Variants in DLGAP2 observed in about 807,000 individuals in gnomAD.
The protein encoded by DLGAP2 is DLG associated protein 2, also known as disks large-associated protein 2.
Under a neutral mutation model 100.3 loss-of-function variants are expected in DLGAP2, and 26 were observed. That is an observed-to-expected ratio of 0.26 (90% CI 0.19 to 0.36). The LOEUF is 0.36. Among genes scored for constraint, DLGAP2 ranks in the 10% least tolerant of loss-of-function variants. DLGAP2 has a pLI of 1.00. For synonymous variants in DLGAP2, 886 were observed against 630.1 expected (o/e 1.41, Z -6.08); for missense variants, 1,858 against 1,453.2 (o/e 1.28, Z -4.53).
chr8:923,256 A>G (rs541855564), intron 2 of DLGAP2, among the ~76,000 whole-genome samples: 1 of 152,172 alleles, frequency 6.6e-6, no homozygotes, highest in Non-Finnish European at 1.5e-5. Context: ...GGGCTGTGTC[A>G]TAATGTCTGT....
intron 1 of DLGAP2, among the ~76,000 whole-genome samples, chr8:859,114 C>CTTT (rs113689898): frequency 1.4e-5 from 2 of 142,432 alleles, no homozygotes; most frequent in Non-Finnish European, 3.1e-5. Context: ...CCTTAGTCTT[C>CTTT]TTTTTTTTTT....
At chr8:1,446,935 T>C (rs960748733) in intron 3 of DLGAP2, among the ~76,000 whole-genome samples, 12 of 152,232 alleles carry the variant, frequency 7.9e-5, no homozygotes, top group African/African-American at 2.4e-4. Context: ...TTTTTGTACA[T>C]TGATTTTGTA....
At chr8:785,255 C>T (rs1821811718) in intron 1 of DLGAP2, among the ~76,000 whole-genome samples, 1 of 96,536 alleles carries the variant, frequency 1.0e-5, no homozygotes, top group South Asian at 3.9e-4. Flanking sequence ...AAAAAAAAGG[C>T]ACGTCCTGAC....
chr8:1,449,885 TGAGG>T (rs1563156352), intron 3 of DLGAP2, among the ~76,000 whole-genome samples: 11 of 145,192 alleles, frequency 7.6e-5, no homozygotes, highest in Admixed American at 1.4e-4. Flanking sequence ...CCTCGGTGGC[TGAGG>T]CGGAGCTGTG....
chr8:1,548,801 G>C lies in DLGAP2; in HGVS notation c.348G>C (p.Ala116=). The change falls in exon 5 of 15, where the codon GCG becomes GCC. Residue 116 remains alanine, a synonymous_variant. Transcript: ENST00000637795. ...AGCACCTGCACCACGGGCCCGACGC[G>C]CGGCCGCCCTACCTGCTGAGCCCCG... ...DCEHLHHGPD[A]RPPYLLSPAD... 2.5e-6 allele frequency: 4 copies of C among 1,580,286 alleles called. No individual in the cohort carries two copies. The highest frequency in any genetic ancestry group is 1.3e-5 in the African/African-American group (1 of 74,238).
At chr8:1,033,134 T>G (rs1212795788) in intron 2 of DLGAP2, among the ~76,000 whole-genome samples, 1 of 152,084 alleles carries the variant, frequency 6.6e-6, no homozygotes, top group East Asian at 1.9e-4. Context: ...CATCCCTCTC[T>G]GTCTCAGGCA....
At chr8:1,099,976 A>T (rs1195552156) in intron 2 of DLGAP2, among the ~76,000 whole-genome samples, 1 of 152,224 alleles carries the variant, frequency 6.6e-6, no homozygotes, top group Non-Finnish European at 1.5e-5. Flanking sequence ...GTCAACTGAG[A>T]TCTGAAAATA....
chr8:1,359,074 A>G (rs1415437494), intron 3 of DLGAP2, among the ~76,000 whole-genome samples: 1 of 152,118 alleles, frequency 6.6e-6, no homozygotes, highest in African/African-American at 2.4e-5. Flanking sequence ...ACGATTCTGC[A>G]TTTCTAGCAA....
At chr8:850,607 C>T (rs1397252409) in intron 1 of DLGAP2, among the ~76,000 whole-genome samples, 1 of 151,950 alleles carries the variant, frequency 6.6e-6, no homozygotes, top group Non-Finnish European at 1.5e-5. Flanking sequence ...TTGAATAGCC[C>T]AATTAAATGT....
Position 1,626,762 on chromosome 8 carries a change from A to G in DLGAP2, c.1465A>G (p.Ser489Gly), listed in dbSNP as rs769788388. Residue 489 changes from serine (S) to glycine (G), a missense_variant, in exon 7 of 15, where the codon AGC becomes GGC. Physicochemically the swap from Ser to Gly is moderately conservative, Grantham distance 56 (BLOSUM62 0). Transcript: ENST00000637795. ...TAGCCAGACCTACCTGCAAGCTGCA[A>G]GCGATGTGCCTGTGGGACACAGCCT... ...HQTQTYLQAA[S>G]DVPVGHSLDP... is the part of the protein sequence containing the mutation. The G allele has an allele frequency of 8.7e-6, 14 of 1,603,970 alleles. No homozygotes were observed. The East Asian group carries it at 3.2e-4, about 36-fold the overall frequency.
Position 778,329 on chromosome 8 carries a change from G to A in DLGAP2, c.18+40504G>A, listed in dbSNP as rs541753474. On this transcript the variant is annotated intron_variant, in intron 1 of 14. Transcript: ENST00000637795. ...GCTCAGAGTAATTTGATCGTCTGAA[G>A]CCTTCTTCTCTCAGCTCGTCAAAGT... Among the ~76,000 whole-genome samples the A allele has an allele frequency of 2.6e-3, 389 of 152,282 alleles. 2 individuals are homozygous for A. Among genetic ancestry groups the A allele is most frequent in the African/African-American group, 8.9e-3 (369 of 41,558 alleles).
At chr8:1,161,730 G>A (rs959126612) in intron 2 of DLGAP2, among the ~76,000 whole-genome samples, 3 of 152,190 alleles carry the variant, frequency 2.0e-5, no homozygotes, top group Non-Finnish European at 4.4e-5. Context: ...GTCCAGCCCC[G>A]TGGAGCCGTC....
At chr8:1,077,059 G>T (rs570199608) in intron 2 of DLGAP2, among the ~76,000 whole-genome samples, 1 of 152,000 alleles carries the variant, frequency 6.6e-6, no homozygotes, top group Non-Finnish European at 1.5e-5. Context: ...GGAGGAGTCT[G>T]TCCCGGGCTC....
At chr8:903,555 C>T (rs1046492658) in intron 1 of DLGAP2, among the ~76,000 whole-genome samples, 2 of 152,094 alleles carry the variant, frequency 1.3e-5, no homozygotes, top group African/African-American at 4.8e-5. Context: ...AGGACGTCAT[C>T]GCGAGGCAGC....
At chr8:873,105 T>C (rs1218184380) in intron 1 of DLGAP2, among the ~76,000 whole-genome samples, 1 of 152,246 alleles carries the variant, frequency 6.6e-6, no homozygotes, top group Non-Finnish European at 1.5e-5. Context: ...TTAAATCATC[T>C]CTAGATTATT....
chr8:1,598,504 T>G (rs1796527972), intron 6 of DLGAP2, among the ~76,000 whole-genome samples: 1 of 152,222 alleles, frequency 6.6e-6, no homozygotes, highest in South Asian at 2.1e-4. Flanking sequence ...TGGGCTTTTT[T>G]TTGTTGGTAG....
chr8:1,226,104 T>A (rs1025947826), intron 2 of DLGAP2, among the ~76,000 whole-genome samples: 2 of 152,174 alleles, frequency 1.3e-5, no homozygotes, highest in Admixed American at 1.3e-4. Context: ...AAAGAACTTA[T>A]ATAATTAAAT....
At chr8:1,184,099 C>G (rs1026232816) in intron 2 of DLGAP2, among the ~76,000 whole-genome samples, 2 of 152,198 alleles carry the variant, frequency 1.3e-5, no homozygotes, top group Non-Finnish European at 2.9e-5. Context: ...TTTGGGGAAG[C>G]AGCGTGTTTG....
chr8:1,660,870 G>T (rs1014791939), intron 8 of DLGAP2, among the ~76,000 whole-genome samples: 5 of 152,222 alleles, frequency 3.3e-5, no homozygotes, highest in African/African-American at 7.2e-5. Flanking sequence ...CTGAAGTTCT[G>T]ATAACATAGT....
Sources: gnomAD v4.1 joint callset for allele counts (sites outside exome capture counted in the v4.1 genomes callset) on GRCh38, gnomAD v4.1.1 for gene constraint, MANE v1.5 for transcripts, NCBI Gene and HGNC (gene_info 2026-07-23, HGNC 2026-07-21) for gene names.